KAZN: variants seen among roughly 807,000 people sequenced by gnomAD.
The protein encoded by KAZN is kazrin.
In KAZN, 40 loss-of-function variants were observed where a neutral mutation model predicts 87.4. The ratio of observed to expected loss-of-function variants is 0.46; its 90% CI spans 0.36 to 0.60. The LOEUF is 0.60. Ranked by LOEUF, KAZN falls within the 20% of genes least tolerant of loss-of-function variation. The pLI is 0.00. For synonymous variants in KAZN, 466 were observed against 458.3 expected (o/e 1.02, Z -0.22); for missense variants, 898 against 1,073.9 (o/e 0.84, Z 2.29).
intron 1 of KAZN, among the ~76,000 whole-genome samples, chr1:14,916,700 G>A (rs980362758): frequency 2.6e-5 from 4 of 151,990 alleles, no homozygotes; most frequent in Non-Finnish European, 4.4e-5. Flanking sequence ...ACCACTTAAC[G>A]CCAGGAGTTT....
intron 2 of KAZN, among the ~76,000 whole-genome samples, chr1:14,991,664 A>T (rs1488423898): frequency 6.6e-6 from 1 of 152,154 alleles, no homozygotes; most frequent in Non-Finnish European, 1.5e-5. Context: ...ACCCAGGTAC[A>T]CCTGAGCCCA....
At chr1:14,040,980 G>T (rs1412415392) in intron 1 of KAZN, among the ~76,000 whole-genome samples, 2 of 152,002 alleles carry the variant, frequency 1.3e-5, no homozygotes, top group African/African-American at 4.8e-5. Context: ...ACCAAGTAAT[G>T]CACATGTATA....
rs527859455 is a variant in KAZN, at chr1:14,974,003, C to A, written c.418+13128C>A. Among the ~76,000 whole-genome samples, 5 of 152,170 alleles carry A rather than the reference C, an allele frequency of 3.3e-5. 1 individual carries two copies. The South Asian group carries it at 1.0e-3, about 32-fold the overall frequency. Reference sequence around the variant, plus strand: ...TCTGTGGTGTCAGTAGGGGTACTTCCATGCTATTCCTCTGGACGACCCAAG... The same window carrying A: ...TCTGTGGTGTCAGTAGGGGTACTTCAATGCTATTCCTCTGGACGACCCAAG... On this transcript the variant is annotated intron_variant, in intron 2 of 14. Coordinates refer to ENST00000376030, the MANE Select transcript of KAZN (RefSeq NM_201628.3).
intron 2 of KAZN, among the ~76,000 whole-genome samples, chr1:14,298,121 G>A (rs1654268580): frequency 2.6e-5 from 4 of 152,108 alleles, no homozygotes; most frequent in Admixed American, 2.6e-4. Flanking sequence ...ACTACTTGGG[G>A]GGCTGAGGCC....
At chr1:14,418,845 T>C (rs1665072201) in intron 2 of KAZN, among the ~76,000 whole-genome samples, 1 of 152,152 alleles carries the variant, frequency 6.6e-6, no homozygotes, top group Admixed American at 6.5e-5. Flanking sequence ...TTACCATGAG[T>C]CAGTCACCAG....
chr1:14,126,645 A>AG (rs1388228365), intron 1 of KAZN, among the ~76,000 whole-genome samples: 36 of 151,766 alleles, frequency 2.4e-4, no homozygotes, highest in Admixed American at 2.4e-3. Context: ...ATAAAAAAAA[A>AG]TAAGGACAAT....
chr1:13,910,832 A>C (rs1347399459), intron 1 of KAZN, among the ~76,000 whole-genome samples: 1 of 152,032 alleles, frequency 6.6e-6, no homozygotes, highest in African/African-American at 2.4e-5. Context: ...CTGTTCTTGC[A>C]CTGCTATAAA....
intron 1 of KAZN, among the ~76,000 whole-genome samples, chr1:14,724,475 T>C (rs1487823910): frequency 6.6e-6 from 1 of 152,200 alleles, no homozygotes; most frequent in Non-Finnish European, 1.5e-5. Flanking sequence ...ATTACCAACC[T>C]AAGTAGATTA....
At chr1:14,898,796 C>T (rs544388411) in intron 1 of KAZN, among the ~76,000 whole-genome samples, 1 of 152,300 alleles carries the variant, frequency 6.6e-6, no homozygotes, top group East Asian at 1.9e-4. Context: ...CAGCACCTAG[C>T]TCAGTGCATA....
At chr1:14,142,108 CTT>C (rs35138469) in intron 1 of KAZN, among the ~76,000 whole-genome samples, 22 of 128,900 alleles carry the variant, frequency 1.7e-4, no homozygotes, top group Middle Eastern at 4.5e-3. Context: ...CCCTCCTTCC[CTT>C]TTTTTTTTTT....
At chr1:14,028,499 C>G (rs935592332) in intron 1 of KAZN, among the ~76,000 whole-genome samples, 4 of 152,150 alleles carry the variant, frequency 2.6e-5, no homozygotes, top group African/African-American at 9.7e-5. Flanking sequence ...GCGTTAGGCT[C>G]TGGGAATTGA....
At chr1:15,092,060 G>GTTTTTTTTTTTTTTTTTTTTTTTT in intron 8 of KAZN, among the ~76,000 whole-genome samples, 1 of 114,434 alleles carries the variant, frequency 8.7e-6, no homozygotes, top group Middle Eastern at 5.8e-3. Flanking sequence ...TTGTTTTTTT[G>GTTTTTTTTTTTTTTTTTTTTTTTT]TTTTTTTTTT....
intron 2 of KAZN, among the ~76,000 whole-genome samples, chr1:14,419,802 C>G (rs1346597574): frequency 6.6e-6 from 1 of 152,010 alleles, no homozygotes; most frequent in African/African-American, 2.4e-5. Context: ...TTCATTCCTC[C>G]CGGTGGGTTC....
chr1:14,105,862 G>A lies in KAZN; in HGVS notation c.92-74573G>A, dbSNP rs117432701. ...AAGGTCAGAGATAGCTGCATTTCCC[G>A]AAGGGAGCTTGTGAGGAATTGACAT... On this transcript the variant is annotated intron_variant, in intron 1 of 16. Coordinates refer to the KAZN transcript ENST00000636203. Among the ~76,000 whole-genome samples the A allele has an allele frequency of 1.1e-3, 160 of 152,338 alleles. 2 individuals carry two copies. The East Asian group carries it at 0.019, about 18-fold the overall frequency.
chr1:14,521,589 G>A (rs1447623418), intron 2 of KAZN, among the ~76,000 whole-genome samples: 1 of 152,148 alleles, frequency 6.6e-6, no homozygotes, highest in African/African-American at 2.4e-5. Context: ...AACCATGGCC[G>A]ATGCCATGAA....
At chr1:14,273,163 G>T (rs1040116444) in intron 2 of KAZN, among the ~76,000 whole-genome samples, 5 of 152,074 alleles carry the variant, frequency 3.3e-5, no homozygotes, top group Non-Finnish European at 7.4e-5. Flanking sequence ...AGATGAGGGT[G>T]TGTTGGCTTA....
intron 1 of KAZN, among the ~76,000 whole-genome samples, chr1:14,043,682 G>C (rs147847684): frequency 3.4e-3 from 522 of 152,008 alleles, no homozygotes; most frequent in African/African-American, 0.012. Context: ...AAAGGTATGT[G>C]CTTACTTTTA....
chr1:14,426,367 T>G (rs1347670154), intron 2 of KAZN, among the ~76,000 whole-genome samples: 4 of 152,174 alleles, frequency 2.6e-5, no homozygotes, highest in Admixed American at 2.6e-4. Flanking sequence ...AGGACTTACC[T>G]ATGTGTTTAT....
chr1:14,968,544 G>A (rs1003631977), intron 2 of KAZN, among the ~76,000 whole-genome samples: 3 of 152,172 alleles, frequency 2.0e-5, no homozygotes, highest in African/African-American at 7.2e-5. Context: ...GGACTTGGCA[G>A]CCCTAAACAC....
Sources: allele counts gnomAD v4.1 joint callset (sites outside exome capture counted in the v4.1 genomes callset), GRCh38; gene constraint gnomAD v4.1.1; transcripts MANE v1.5; gene names NCBI Gene and HGNC (gene_info 2026-07-23, HGNC 2026-07-21).